NALF1: variants seen among roughly 807,000 people sequenced by gnomAD.
NALF1 encodes NALCN channel auxiliary factor 1, also known as family with sequence similarity 155 member A.
In NALF1, 3 loss-of-function variants were observed where a neutral mutation model predicts 48.4. The observed-to-expected ratio is 0.06, with a 90% CI of 0.03 to 0.16. The LOEUF is 0.16. NALF1 is among the 10% of genes least tolerant of loss of function. The probability of loss-of-function intolerance (pLI) is 1.00; values close to 1 mark genes in which losing one functional copy is unlikely to be tolerated. For missense variants in NALF1, 526 were observed against 571.5 expected (o/e 0.92, Z 0.81); for synonymous variants, 262 against 245.7 (o/e 1.07, Z -0.62).
chr13:107,443,075 G>A (rs150590525), intron 1 of NALF1, among the ~76,000 whole-genome samples: 1,901 of 152,208 alleles, frequency 0.012, 27 homozygotes, highest in Non-Finnish European at 0.02. Context: ...GTTAAAGTGC[G>A]AAAGAACATG....
chr13:107,417,922 A>T (rs1884118969), intron 1 of NALF1, among the ~76,000 whole-genome samples: 2 of 152,064 alleles, frequency 1.3e-5, no homozygotes, highest in Admixed American at 6.6e-5. Context: ...ATAGCCGGGT[A>T]GGGTGGCACA....
chr13:107,724,531 A>G (rs1292615277), intron 1 of NALF1, among the ~76,000 whole-genome samples: 1 of 152,060 alleles, frequency 6.6e-6, no homozygotes, highest in Admixed American at 6.6e-5. Context: ...CAACACTCAT[A>G]TACCATCCCT....
At chr13:107,514,536 G>A (rs910443713) in intron 1 of NALF1, among the ~76,000 whole-genome samples, 1 of 152,034 alleles carries the variant, frequency 6.6e-6, no homozygotes, top group Non-Finnish European at 1.5e-5. Context: ...AAGGCCAGCC[G>A]TGCCATCAAT....
chr13:107,815,459 G>A (rs1157947375), intron 1 of NALF1, among the ~76,000 whole-genome samples: 1 of 152,022 alleles, frequency 6.6e-6, no homozygotes, highest in African/African-American at 2.4e-5. Context: ...ACCTAAATAA[G>A]ATACCACTTC....
chr13:107,596,673 G>T (rs1449918656), intron 1 of NALF1, among the ~76,000 whole-genome samples: 3 of 152,074 alleles, frequency 2.0e-5, no homozygotes, highest in African/African-American at 4.8e-5. Flanking sequence ...GCCCTGTTGA[G>T]GGGGGTGGGG....
chr13:107,751,638 G>A (rs2138553145), intron 1 of NALF1, among the ~76,000 whole-genome samples: 2 of 152,202 alleles, frequency 1.3e-5, no homozygotes, highest in South Asian at 2.1e-4. Flanking sequence ...CACTGAACGT[G>A]TACAAATTGA....
chr13:107,621,011 A>T (rs1036309351), intron 1 of NALF1, among the ~76,000 whole-genome samples: 1 of 151,830 alleles, frequency 6.6e-6, no homozygotes, highest in Non-Finnish European at 1.5e-5. Flanking sequence ...TGTGTGTGTT[A>T]ACTTCAGTAG....
rs534913046 is a variant in NALF1, at chr13:107,461,571, T to A, written c.916-250816A>T. 3.9e-5 allele frequency among the ~76,000 whole-genome samples: 6 copies of A among 152,324 alleles called. No homozygotes were observed. The South Asian group carries it at 6.2e-4, about 16-fold the overall frequency. ...CATGATGTAAAATGAAAAATCATAT[T>A]CTTTTCTGACATGCATATTTTGTTT... is the stretch of plus-strand genomic sequence containing the variant. On this transcript the variant is annotated intron_variant, in intron 1 of 2. Coordinates refer to ENST00000375915, the MANE Select transcript of NALF1 (RefSeq NM_001080396.3).
intron 1 of NALF1, among the ~76,000 whole-genome samples, chr13:107,847,435 TGTG>T (rs1410691126): frequency 6.6e-6 from 1 of 152,200 alleles, no homozygotes; most frequent in Non-Finnish European, 1.5e-5. Context: ...TCTCCTTGAA[TGTG>T]GTGAGAACCA....
In NALF1 at chr13:107,554,465, C is replaced by T. The variant is rs72638405; in HGVS notation, c.915+311217G>A. On this transcript the variant is annotated intron_variant, in intron 1 of 2. Transcript: ENST00000375915. The stretch of plus-strand genomic sequence containing the variant: ...CAGTTCTGCACAAAACACAGGGTGC[C>T]GCTGGCCAAGGAAAGACCCAGGCCA... 0.02 allele frequency among the ~76,000 whole-genome samples: 3,056 copies of T among 152,106 alleles called. 337 individuals carry two copies. The East Asian group carries it at 0.34, about 17-fold the overall frequency.
chr13:107,537,613 C>G (rs944072701), intron 1 of NALF1, among the ~76,000 whole-genome samples: 3 of 152,094 alleles, frequency 2.0e-5, no homozygotes, highest in South Asian at 2.1e-4. Context: ...GAATGAGAAG[C>G]AAACTAGGAA....
intron 1 of NALF1, among the ~76,000 whole-genome samples, chr13:107,246,888 G>A (rs4771566): frequency 0.2 from 29,728 of 152,030 alleles, 3,569 homozygotes; most frequent in South Asian, 0.42. Context: ...TAATTAAGTG[G>A]TAATTTTCTG....
chr13:107,545,418 A>G (rs1566387075), intron 1 of NALF1, among the ~76,000 whole-genome samples: 1 of 152,146 alleles, frequency 6.6e-6, no homozygotes, highest in East Asian at 1.9e-4. Flanking sequence ...GAGAGAATAC[A>G]TTTCTGTTGT....
intron 1 of NALF1, among the ~76,000 whole-genome samples, chr13:107,826,922 T>C (rs1304387002): frequency 6.6e-6 from 1 of 152,192 alleles, no homozygotes; most frequent in Non-Finnish European, 1.5e-5. Context: ...AGGGTAGGTC[T>C]TAGTTTATGA....
intron 1 of NALF1, among the ~76,000 whole-genome samples, chr13:107,522,400 T>C (rs962090199): frequency 4.6e-5 from 7 of 152,186 alleles, no homozygotes; most frequent in Admixed American, 4.6e-4. Context: ...AATCTTTTTG[T>C]GCATCCTTTA....
At chr13:107,189,379 A>G (rs1241932402) in intron 2 of NALF1, among the ~76,000 whole-genome samples, 3 of 152,224 alleles carry the variant, frequency 2.0e-5, no homozygotes, top group African/African-American at 4.8e-5. Flanking sequence ...CAGAGAAGAA[A>G]AAAATGGACA....
intron 1 of NALF1, among the ~76,000 whole-genome samples, chr13:107,397,941 G>A (rs1369293137): frequency 6.6e-6 from 1 of 152,080 alleles, no homozygotes; most frequent in African/African-American, 2.4e-5. Context: ...AAATTGGAGT[G>A]GTTAATATGC....
At chr13:107,267,796 G>A (rs1476239404) in intron 1 of NALF1, among the ~76,000 whole-genome samples, 1 of 152,090 alleles carries the variant, frequency 6.6e-6, no homozygotes, top group Non-Finnish European at 1.5e-5. Flanking sequence ...CACAAAGACA[G>A]CAACACCACA....
At chr13:107,624,322 GA>G (rs1879608481) in intron 1 of NALF1, among the ~76,000 whole-genome samples, 1 of 152,088 alleles carries the variant, frequency 6.6e-6, no homozygotes, top group African/African-American at 2.4e-5. Context: ...GCAAGGATGG[GA>G]AAAACATAAG....
Sources: allele counts gnomAD v4.1 joint callset (sites outside exome capture counted in the v4.1 genomes callset), GRCh38; gene constraint gnomAD v4.1.1; transcripts MANE v1.5; gene names NCBI Gene and HGNC (gene_info 2026-07-23, HGNC 2026-07-21).